The following TPM3 variants were observed in gnomAD, a reference collection of about 807,000 sequenced individuals.
TPM3 encodes the protein tropomyosin 3.
In TPM3, 16 loss-of-function variants were observed where a neutral mutation model predicts 43.1. That is an observed-to-expected ratio of 0.37 (90% CI 0.25 to 0.56). The LOEUF (loss-of-function observed/expected upper bound fraction) is 0.56. Ranked by LOEUF, TPM3 falls within the 20% of genes least tolerant of loss-of-function variation. The pLI, the probability that TPM3 is intolerant of heterozygous loss-of-function variation, is 0.77. For synonymous variants in TPM3, 101 were observed against 116.9 expected, an observed-to-expected ratio of 0.86 and a Z score of 0.88; for missense variants, 176 against 337.2, an observed-to-expected ratio of 0.52 and a Z score of 3.74.
rs761646662 is a variant in TPM3 at position 154,171,407 on chromosome 1, C to A, written c.642+6G>T. ...AAGCCTGTCACTTTCACAAACCAGCCCCTACCTTCTCCGCCTGAGCCTCAA... is the reference window on the plus strand; with the variant it reads ...AAGCCTGTCACTTTCACAAACCAGCACCTACCTTCTCCGCCTGAGCCTCAA... On this transcript the variant is annotated splice_donor_region_variant and intron_variant, in intron 6 of 9. Coordinates refer to ENST00000651641, the MANE Select transcript of TPM3 (RefSeq NM_152263.4). 1 of 1,614,136 alleles carries A rather than the reference C, an allele frequency of 6.2e-7. No individual in the cohort carries two copies. The highest frequency in any genetic ancestry group is 8.5e-7 in the Non-Finnish European group (1 of 1,179,970).
At chr1:154,182,176 T>C (rs570017698) in intron 2 of TPM3, among the ~76,000 whole-genome samples, 2 of 152,326 alleles carry the variant, frequency 1.3e-5, no homozygotes, top group East Asian at 3.9e-4. Context: ...ACTTCAGCAA[T>C]AAAGGCCTGA....
chr1:154,162,578 AG>A lies in TPM3; in HGVS notation c.*5358del. Among the ~76,000 whole-genome samples the A allele has an allele frequency of 6.6e-6, 1 of 152,140 alleles. No individual in the cohort carries two copies. ...ATTCCTTATCTCAATGATGGTAACA[AG>A]GAAGGGCAAAATGGGCCTGTGGTTC... On this transcript the variant is annotated 3_prime_UTR_variant, in exon 10 of 10. Transcript: ENST00000651641.
At position 154,165,789 on chromosome 1, in the gene TPM3, C is replaced by CAAAAAAA. The variant is rs68185418; in HGVS notation, c.*2141_*2147dup. Among the ~76,000 whole-genome samples, 3 of 82,214 alleles carry CAAAAAAA rather than the reference C, an allele frequency of 3.6e-5. No individual in the cohort carries two copies. The highest frequency in any genetic ancestry group is 5.3e-5 in the Non-Finnish European group (2 of 37,524). 53.9% of individuals were successfully genotyped at this position (82,214 alleles called of 152,430 possible). On this transcript the variant is annotated 3_prime_UTR_variant, in exon 10 of 10. Coordinates refer to ENST00000651641, the MANE Select transcript of TPM3 (RefSeq NM_152263.4). The stretch of plus-strand genomic sequence containing the variant: ...AGGTGACAAGAGTCAAACTCCGTCT[C>CAAAAAAA]AAAAAAAAAAAAAAAAAGAAAAAAA...
intron 2 of TPM3, chr1:154,183,577 T>C (rs1663221766): frequency 6.7e-6 from 2 of 299,478 alleles, no homozygotes; most frequent in Non-Finnish European, 1.3e-5. Context: ...CTCCACAATA[T>C]AAACATCCTA....
At position 154,167,358 on chromosome 1, in the gene TPM3, G is replaced by A. The variant is rs1009717717; in HGVS notation, c.*579C>T. The A allele has an allele frequency of 3.8e-5, 40 of 1,057,618 alleles. No homozygotes were observed. Among genetic ancestry groups the A allele is most frequent in the African/African-American group, 5.0e-5 (3 of 60,594 alleles). The allele number at this position is 1,057,618 out of a possible 1,614,324, so 65.5% of individuals were successfully genotyped here. ...CTGAGGATGCACCATTTGAACCACC[G>A]GTAAAAGGGTACAGAATGTGTATTG... On this transcript the variant is annotated 3_prime_UTR_variant, in exon 10 of 10. Transcript: ENST00000651641.
intron 5 of TPM3, 112 bp from the exon 6 acceptor site, chr1:154,171,600 G>T: frequency 1.7e-6 from 2 of 1,157,320 alleles, no homozygotes; most frequent in Non-Finnish European, 1.3e-6. Flanking sequence ...GAGTTGGAAG[G>T]CATACTGGGG....
Position 154,164,115 on chromosome 1 carries a change from C to T in TPM3, c.*3822G>A, listed in dbSNP as rs12063890. ...CCGTATCTTCTTTCCCTTCCCCCAG[C>T]TCCCCAAACCAGGACAACATGATCT... On this transcript the variant is annotated 3_prime_UTR_variant, in exon 10 of 10. Coordinates refer to ENST00000651641, the MANE Select transcript of TPM3 (RefSeq NM_152263.4). Among the ~76,000 whole-genome samples, 1 of 151,814 alleles carries T rather than the reference C, an allele frequency of 6.6e-6. No individual in the cohort carries two copies. The highest frequency in any genetic ancestry group is 6.6e-5 in the Admixed American group (1 of 15,220).
chr1:154,176,700 C>A (rs1402103470), intron 2 of TPM3, among the ~76,000 whole-genome samples: 3 of 148,404 alleles, frequency 2.0e-5, no homozygotes, highest in African/African-American at 7.5e-5. Flanking sequence ...GGTATCCTGA[C>A]TGGGTGTGGT....
rs563700738 is a variant in TPM3 at position 154,166,578 on chromosome 1, C to A, written c.*1359G>T. ...AAGAAAAGCAAATTTTAAATACATA[C>A]CCTGCTGGGAAACTAAAGTACTAAG... is the stretch of plus-strand genomic sequence containing the variant. On this transcript the variant is annotated 3_prime_UTR_variant, in exon 10 of 10. Transcript: ENST00000651641. The A allele has an allele frequency of 1.2e-4, 131 of 1,052,676 alleles. No homozygotes were observed. The highest frequency in any genetic ancestry group is 1.5e-4 in the Non-Finnish European group (127 of 871,428). 65.2% of individuals were successfully genotyped at this position (1,052,676 alleles called of 1,614,324 possible).
intron 2 of TPM3, among the ~76,000 whole-genome samples, chr1:154,177,950 A>C (rs558640184): frequency 6.6e-6 from 1 of 152,296 alleles, no homozygotes; most frequent in East Asian, 1.9e-4. Context: ...ACACTACTCA[A>C]AACACCACAA....
chr1:154,155,540 G>A (rs116842438), downstream of TPM3: 24 of 236,298 alleles, frequency 1.0e-4, 1 homozygote, highest in East Asian at 1.2e-3. Flanking sequence ...CTCCAGGCCA[G>A]AATGCAGGAA....
In TPM3 at chr1:154,165,258, TGTAATCACA is replaced by T. The variant is rs1426175565; in HGVS notation, c.*2670_*2678del. Among the ~76,000 whole-genome samples the T allele has an allele frequency of 6.6e-6, 1 of 151,958 alleles. No individual in the cohort carries two copies. The highest frequency in any genetic ancestry group is 1.5e-5 in the Non-Finnish European group (1 of 67,992). On this transcript the variant is annotated 3_prime_UTR_variant, in exon 10 of 10. Transcript: ENST00000651641. The stretch of plus-strand genomic sequence containing the variant: ...TCAGCTGGGCATGGTGGTGGGTATC[TGTAATCACA>T]GCTCCTCGGGAAGCTGAGACAGGAG...
At chr1:154,189,816 AAAAAGGAAAAG>A (rs1179673415) in intron 2 of TPM3, among the ~76,000 whole-genome samples, 1 of 151,758 alleles carries the variant, frequency 6.6e-6, no homozygotes, top group Non-Finnish European at 1.5e-5. Context: ...AAAAAAAAAA[AAAAAGGAAAAG>A]AAAAGGAAAG....
At chr1:154,157,109 T>C (rs1659894098), downstream of TPM3, 1 of 214,260 alleles carries the variant, frequency 4.7e-6, no homozygotes, top group Non-Finnish European at 9.4e-6. Flanking sequence ...ATCACCTTTC[T>C]GGTTTAGCTA....
chr1:154,164,639 T>C lies in TPM3; in HGVS notation c.*3298A>G, dbSNP rs946669485. Among the ~76,000 whole-genome samples, 3 of 152,222 alleles carry C rather than the reference T, an allele frequency of 2.0e-5. No individual in the cohort carries two copies. The highest frequency in any genetic ancestry group is 4.4e-5 in the Non-Finnish European group (3 of 68,042). On this transcript the variant is annotated 3_prime_UTR_variant, in exon 10 of 10. Transcript: ENST00000651641. ...TAACCCAATTTTTTCCAAAGTGTGGTGTATTCACTGCTATAGTTACTTTAA... is the reference window on the plus strand; with the variant it reads ...TAACCCAATTTTTTCCAAAGTGTGGCGTATTCACTGCTATAGTTACTTTAA...
In TPM3 at chr1:154,164,023, T is replaced by G. The variant is rs1660684951; in HGVS notation, c.*3914A>C. ...TACCCCATATGGATTCCCAACTCTC[T>G]TATGTCAACCTCTCTGCCTCACGCC... On this transcript the variant is annotated 3_prime_UTR_variant, in exon 10 of 10. Transcript: ENST00000651641. Among the ~76,000 whole-genome samples the G allele has an allele frequency of 1.3e-5, 2 of 152,088 alleles. No individual in the cohort carries two copies. Among genetic ancestry groups the G allele is most frequent in the African/African-American group, 4.8e-5 (2 of 41,410 alleles).
chr1:154,157,055 GCA>G (rs1481026393), downstream of TPM3: 1 of 205,962 alleles, frequency 4.9e-6, no homozygotes, highest in Admixed American at 5.9e-5. Flanking sequence ...AACTTGAACA[GCA>G]CATTTTTTGT....
At chr1:154,175,465 C>T (rs936962714) in intron 3 of TPM3, among the ~76,000 whole-genome samples, 14 of 152,142 alleles carry the variant, frequency 9.2e-5, no homozygotes, top group Non-Finnish European at 1.9e-4. Flanking sequence ...GATTTCCCCC[C>T]TCACCCCTAC....
chr1:154,167,339 A>C lies in TPM3; in HGVS notation c.*598T>G, dbSNP rs1023919067. 6.6e-6 allele frequency: 7 copies of C among 1,057,556 alleles called. No homozygotes were observed. The Admixed American group carries it at 3.8e-4, about 57-fold the overall frequency. 65.5% of individuals were successfully genotyped at this position (1,057,556 alleles called of 1,614,324 possible). A position where few individuals can be genotyped will look rare whatever the true frequency, so the allele number is the denominator to read the frequency against. On this transcript the variant is annotated 3_prime_UTR_variant, in exon 10 of 10. Transcript: ENST00000651641. ...ATTGGGTTCACTGGGTGTTCTGAGG[A>C]TGCACCATTTGAACCACCGGTAAAA...
Sources: gnomAD v4.1 joint callset for allele counts (sites outside exome capture counted in the v4.1 genomes callset) on GRCh38, gnomAD v4.1.1 for gene constraint, MANE v1.5 for transcripts, NCBI Gene and HGNC (gene_info 2026-07-23, HGNC 2026-07-21) for gene names.